FBXL20: variants seen among roughly 807,000 people sequenced by gnomAD.
The protein encoded by FBXL20 is F-box and leucine rich repeat protein 20.
Under a neutral mutation model 64.0 loss-of-function variants are expected in FBXL20, and 11 were observed. That is an observed-to-expected ratio of 0.17 (90% CI 0.11 to 0.28). The LOEUF is 0.28. Ranked by LOEUF, FBXL20 falls within the 10% of genes least tolerant of loss-of-function variation. FBXL20 has a pLI of 1.00. For missense variants in FBXL20, 303 were observed against 526.2 expected, an observed-to-expected ratio of 0.58 and a Z score of 4.15; for synonymous variants, 184 against 189.0, an observed-to-expected ratio of 0.97 and a Z score of 0.22.
chr17:39,341,650 C>T (rs1195007509), intron 2 of FBXL20, among the ~76,000 whole-genome samples: 2 of 152,156 alleles, frequency 1.3e-5, no homozygotes, highest in African/African-American at 4.8e-5. Context: ...CACTATTAGG[C>T]TTGGACATGT....
chr17:39,299,897 T>C (rs1282994569), intron 4 of FBXL20, among the ~76,000 whole-genome samples: 3 of 151,820 alleles, frequency 2.0e-5, no homozygotes, highest in Non-Finnish European at 4.4e-5. Context: ...AGGAGTTCGA[T>C]ACAAGCCTGG....
chr17:39,383,984 A>G (rs913367893), intron 1 of FBXL20, among the ~76,000 whole-genome samples: 1 of 152,100 alleles, frequency 6.6e-6, no homozygotes, highest in Non-Finnish European at 1.5e-5. Context: ...CCATAATCCT[A>G]GCATTTTGGG....
intron 6 of FBXL20, among the ~76,000 whole-genome samples, chr17:39,295,346 A>C (rs774119710): frequency 6.6e-6 from 1 of 152,128 alleles, no homozygotes; most frequent in Non-Finnish European, 1.5e-5. Flanking sequence ...AGCTCACTGC[A>C]ACCTCCACCT....
intron 7 of FBXL20, among the ~76,000 whole-genome samples, chr17:39,283,464 C>A (rs892124969): frequency 7.3e-5 from 11 of 151,358 alleles, no homozygotes; most frequent in Non-Finnish European, 1.3e-4. Context: ...GAGACAGGGT[C>A]TCGTTCTGTC....
At chr17:39,372,895 G>A (rs1220525448) in intron 1 of FBXL20, among the ~76,000 whole-genome samples, 1 of 152,024 alleles carries the variant, frequency 6.6e-6, no homozygotes, top group South Asian at 2.1e-4. Flanking sequence ...AAAGTGCTAG[G>A]ATTACAGGCG....
intron 2 of FBXL20, among the ~76,000 whole-genome samples, chr17:39,324,008 A>ACCCCCCCCCCCCCCCCC (rs138382317): frequency 1.1e-4 from 14 of 129,042 alleles, no homozygotes; most frequent in African/African-American, 2.4e-4. Flanking sequence ...TCGTGATCCA[A>ACCCCCCCCCCCCCCCCC]CCCCCTCCCC....
chr17:39,298,620 G>C (rs1302598712), intron 5 of FBXL20, among the ~76,000 whole-genome samples: 1 of 152,096 alleles, frequency 6.6e-6, no homozygotes, highest in African/African-American at 2.4e-5. Context: ...ACTCAGGAGA[G>C]GGAGGATTGC....
intron 2 of FBXL20, among the ~76,000 whole-genome samples, chr17:39,334,814 G>A (rs1179878845): frequency 1.3e-5 from 2 of 152,208 alleles, no homozygotes; most frequent in African/African-American, 4.8e-5. Context: ...TGAGGGCTGG[G>A]CACAGTGGCT....
At chr17:39,338,237 C>T (rs2047548149) in intron 2 of FBXL20, among the ~76,000 whole-genome samples, 1 of 152,202 alleles carries the variant, frequency 6.6e-6, no homozygotes. Context: ...TGTGACCTTA[C>T]CCCCAACCCT....
chr17:39,319,143 G>A (rs1241484296), intron 2 of FBXL20, among the ~76,000 whole-genome samples: 2 of 151,670 alleles, frequency 1.3e-5, no homozygotes, highest in African/African-American at 4.8e-5. Context: ...CAGCTACTTC[G>A]AAGGCTGAGG....
At chr17:39,387,785 T>C (rs969181114) in intron 1 of FBXL20, among the ~76,000 whole-genome samples, 1 of 151,758 alleles carries the variant, frequency 6.6e-6, no homozygotes, top group Admixed American at 6.6e-5. Context: ...ACTATATTGC[T>C]CAAGCTGGTC....
At position 39,401,428 on chromosome 17, in the gene FBXL20, G is replaced by A; in HGVS notation, c.-26C>T. 1 of 1,580,284 alleles carries A rather than the reference G, an allele frequency of 6.3e-7. No homozygotes were observed. Among genetic ancestry groups the A allele is most frequent in the Non-Finnish European group, 8.6e-7 (1 of 1,164,778 alleles). On this transcript the variant is annotated 5_prime_UTR_variant, in exon 1 of 15. Coordinates refer to ENST00000264658, the MANE Select transcript of FBXL20 (RefSeq NM_032875.3). ...GGGGCCGGCGGGTGCGGCCCGGGCCGGGCGCTGCGGCGAGCGGAGTGCACA... is the reference window on the plus strand; with the variant it reads ...GGGGCCGGCGGGTGCGGCCCGGGCCAGGCGCTGCGGCGAGCGGAGTGCACA...
intron 11 of FBXL20, among the ~76,000 whole-genome samples, chr17:39,270,142 C>T (rs2046830691): frequency 6.6e-6 from 1 of 152,166 alleles, no homozygotes; most frequent in South Asian, 2.1e-4. Flanking sequence ...CATGTGTTTC[C>T]TTCAATGTTA....
chr17:39,303,449 G>T, intron 3 of FBXL20, 136 bp downstream of exon 3: 1 of 650,406 alleles, frequency 1.5e-6, no homozygotes, highest in Non-Finnish European at 2.5e-6. Context: ...GTTTGGGTAT[G>T]TCATTGGTGA....
intron 1 of FBXL20, among the ~76,000 whole-genome samples, chr17:39,396,536 C>T (rs551575667): frequency 7.4e-5 from 11 of 147,744 alleles, no homozygotes; most frequent in African/African-American, 1.3e-4. Context: ...GCGGAGGTTG[C>T]AGTGAGCCAA....
intron 1 of FBXL20, among the ~76,000 whole-genome samples, chr17:39,356,214 C>CAAAAAA (rs56838813): frequency 4.0e-5 from 3 of 75,864 alleles, no homozygotes; most frequent in African/African-American, 8.9e-5. Flanking sequence ...GACTCCATCT[C>CAAAAAA]AAAAAAAAAA....
At chr17:39,388,025 C>G (rs991026475) in intron 1 of FBXL20, among the ~76,000 whole-genome samples, 3 of 152,146 alleles carry the variant, frequency 2.0e-5, no homozygotes, top group African/African-American at 7.2e-5. Flanking sequence ...GTTAGAGGAT[C>G]AGCTAGATCT....
intron 1 of FBXL20, among the ~76,000 whole-genome samples, chr17:39,399,525 C>T (rs1192793722): frequency 6.6e-6 from 1 of 152,096 alleles, no homozygotes; most frequent in African/African-American, 2.4e-5. Flanking sequence ...ATCTGTATTC[C>T]GGCATGGAAC....
chr17:39,308,519 CT>C (rs2047203382), intron 2 of FBXL20, among the ~76,000 whole-genome samples: 1 of 151,438 alleles, frequency 6.6e-6, no homozygotes. Flanking sequence ...AAATAGGTTT[CT>C]ATTAGAATGG....
Sources: gnomAD v4.1 joint callset for allele counts (sites outside exome capture counted in the v4.1 genomes callset) on GRCh38, gnomAD v4.1.1 for gene constraint, MANE v1.5 for transcripts, NCBI Gene and HGNC (gene_info 2026-07-23, HGNC 2026-07-21) for gene names.